Variants in TBR1 observed in about 807,000 individuals in gnomAD.
The protein encoded by TBR1 is T-box brain protein 1.
Under a neutral mutation model 60.3 loss-of-function variants are expected in TBR1, and 7 were observed. That is an observed-to-expected ratio of 0.12 (90% CI 0.07 to 0.22). TBR1 has a LOEUF of 0.22. TBR1 is among the 10% of genes least tolerant of loss of function. The probability of loss-of-function intolerance (pLI) is 1.00; values close to 1 mark genes in which losing one functional copy is unlikely to be tolerated. For synonymous variants in TBR1, 417 were observed against 409.9 expected (o/e 1.02, Z -0.21); for missense variants, 616 against 936.8 (o/e 0.66, Z 4.47).
chr2:161,417,539 A>T lies in TBR1; in HGVS notation c.693-137A>T. On this transcript the variant is annotated intron_variant, in intron 1 of 5. Coordinates refer to ENST00000389554, the MANE Select transcript of TBR1 (RefSeq NM_006593.4). This position sits in a 1 kb window ranked among gnomAD's most constrained non-coding sequence, Gnocchi z 5.3. ...TTTCTTCTCCCACCACCCTTTTTCT[A>T]ATCCAGCAAATATTCGCCTATTTGC... 6 of 1,154,882 alleles carry T rather than the reference A, an allele frequency of 5.2e-6. No individual in the cohort carries two copies. Among genetic ancestry groups the T allele is most frequent in the Non-Finnish European group, 6.1e-6 (5 of 816,306 alleles). 71.5% of individuals were successfully genotyped at this position (1,154,882 alleles called of 1,614,324 possible).
chr2:161,418,155 T>C, intron 2 of TBR1, 46 bp from the exon 3 acceptor site: 1 of 1,580,694 alleles, frequency 6.3e-7, no homozygotes, highest in Non-Finnish European at 8.6e-7. Flanking sequence ...GAGCTGGGAC[T>C]GGGCAGTGCC....
rs781164693 is a variant in TBR1, at chr2:161,424,041, C to G, written c.1863C>G (p.Ile621Met). 1.2e-6 allele frequency: 2 copies of G among 1,604,384 alleles called. No homozygotes were observed. The highest frequency in any genetic ancestry group is 1.7e-5 in the Admixed American group (1 of 59,028). The change falls in exon 6 of 6, where the codon ATC becomes ATG. Residue 621 changes from isoleucine to methionine, a missense_variant. Ile to Met is a conservative substitution (Grantham distance 10). Coordinates refer to ENST00000389554, the MANE Select transcript of TBR1 (RefSeq NM_006593.4). This position sits in a 1 kb window ranked among gnomAD's most constrained non-coding sequence, Gnocchi z 4.4. ...DSSWIETPSS[I>M]KSIDSSDSGI... ...GCTGGATCGAGACGCCCTCCTCGAT[C>G]AAGTCCATCGACTCCAGCGACTCGG...
intron 3 of TBR1, 84 bp downstream of exon 3, chr2:161,418,406 G>A: frequency 6.7e-7 from 1 of 1,497,108 alleles, no homozygotes; most frequent in East Asian, 2.3e-5. Context: ...AGCAGCATAT[G>A]GAACTGGATA....
At position 161,417,875 on chromosome 2, in the gene TBR1, G is replaced by C. The variant is rs1476125203; in HGVS notation, c.847+45G>C. ...ACATTTTCTTGACACTTATTTAGGT[G>C]AGAATGATTAATTAAAGCCTTTGTG... On this transcript the variant is annotated intron_variant, in intron 2 of 5. Transcript: ENST00000389554. This position sits in a 1 kb window ranked among gnomAD's most constrained non-coding sequence, Gnocchi z 5.3. 6.2e-7 allele frequency: 1 copy of C among 1,601,150 alleles called. No individual in the cohort carries two copies. The highest frequency in any genetic ancestry group is 1.1e-5 in the South Asian group (1 of 89,568).
rs1482593524 is a variant in TBR1 at position 161,425,351 on chromosome 2, T to C, written c.*1124T>C. 6.6e-6 allele frequency: 1 copy of C among 152,238 alleles called. No homozygotes were observed. The highest frequency in any genetic ancestry group is 2.4e-5 in the African/African-American group (1 of 41,458). 9.4% of individuals were successfully genotyped at this position (152,238 alleles called of 1,614,324 possible). ...ATGATATAGATGACTGAATTGTTGG[T>C]AACTATAGTGTAGTCTAGTGAAGAT... On this transcript the variant is annotated 3_prime_UTR_variant, in exon 6 of 6. Coordinates refer to ENST00000389554, the MANE Select transcript of TBR1 (RefSeq NM_006593.4).
Position 161,416,904 on chromosome 2 carries a change from C to T in TBR1, c.494C>T (p.Ser165Leu). The stretch of plus-strand genomic sequence containing the variant: ...TACAACAGCCTCCTGTCCAACTCCT[C>T]GCCGCAGGGATACCCCACGGCCGGC... Reference protein sequence around the residue: ...GAYNSLLSNSSPQGYPTAGYP... With the variant: ...GAYNSLLSNSLPQGYPTAGYP... Residue 165 changes from serine to leucine, a missense_variant, in exon 1 of 6, where the codon TCG becomes TTG. This residue lies in a region of TBR1 where 211 missense variants were observed against 268.7 expected (regional missense o/e 0.79). Coordinates refer to ENST00000389554, the MANE Select transcript of TBR1 (RefSeq NM_006593.4). The surrounding 1 kb of genome is among the most constrained non-coding windows in gnomAD (Gnocchi z 6.1). The T allele has an allele frequency of 6.2e-7, 1 of 1,614,054 alleles. No individual in the cohort carries two copies. The highest frequency in any genetic ancestry group is 8.5e-7 in the Non-Finnish European group (1 of 1,179,984).
intron 5 of TBR1, chr2:161,422,203 A>G (rs1483571698): frequency 6.6e-6 from 1 of 152,224 alleles, no homozygotes; most frequent in Non-Finnish European, 1.5e-5. Context: ...AAAGATTAAA[A>G]CATTTATGTG....
chr2:161,424,387 T>A lies in TBR1; in HGVS notation c.*160T>A. On this transcript the variant is annotated 3_prime_UTR_variant, in exon 6 of 6. Transcript: ENST00000389554. This position sits in a 1 kb window ranked among gnomAD's most constrained non-coding sequence, Gnocchi z 4.4. ...GCGAATAAGTGCAGGTCTCCGAGCGTGATTTTAACCTTTTTTGCACAGCAG... is the reference window on the plus strand; with the variant it reads ...GCGAATAAGTGCAGGTCTCCGAGCGAGATTTTAACCTTTTTTGCACAGCAG... 1.2e-6 allele frequency: 1 copy of A among 820,084 alleles called. No individual in the cohort carries two copies. Among genetic ancestry groups the A allele is most frequent in the Non-Finnish European group, 1.9e-6 (1 of 534,684 alleles). The allele number at this position is 820,084 out of a possible 1,614,324, so 50.8% of individuals were successfully genotyped here.
chr2:161,424,288 T>G lies in TBR1; in HGVS notation c.*61T>G. On this transcript the variant is annotated 3_prime_UTR_variant, in exon 6 of 6. Coordinates refer to ENST00000389554, the MANE Select transcript of TBR1 (RefSeq NM_006593.4). This position sits in a 1 kb window ranked among gnomAD's most constrained non-coding sequence, Gnocchi z 4.4. ...ACCCCCAGCCAGCCCCTCACAGCTC[T>G]TCCCCAGCTCCGCCTCCCCACACTC... 3.0e-5 allele frequency: 44 copies of G among 1,471,078 alleles called. No homozygotes were observed. The highest frequency in any genetic ancestry group is 3.6e-5 in the Non-Finnish European group (40 of 1,097,738). The allele number at this position is 1,471,078 out of a possible 1,614,324, so 91.1% of individuals were successfully genotyped here.
intron 3 of TBR1, 188 bp from the exon 4 acceptor site, chr2:161,418,704 G>T (rs1456961587): frequency 2.5e-5 from 19 of 762,648 alleles, no homozygotes; most frequent in Admixed American, 3.7e-5. Context: ...TTCGCTCCCA[G>T]AGGTGCGAAA....
rs906833470 is a variant in TBR1, at chr2:161,418,022, C to T, written c.848-179C>T. On this transcript the variant is annotated intron_variant, in intron 2 of 5. Coordinates refer to ENST00000389554, the MANE Select transcript of TBR1 (RefSeq NM_006593.4). Reference sequence around the variant, plus strand: ...TTATGCAAAAGCTATTTTAATCACCCCCAGTTAATAGGAAGAAAGAATGGC... The same window carrying T: ...TTATGCAAAAGCTATTTTAATCACCTCCAGTTAATAGGAAGAAAGAATGGC... 9 of 1,453,420 alleles carry T rather than the reference C, an allele frequency of 6.2e-6. No individual in the cohort carries two copies. In the African/African-American group the frequency reaches 1.3e-4, roughly 21 times the overall value. 90.0% of individuals were successfully genotyped at this position (1,453,420 alleles called of 1,614,324 possible).
intron 5 of TBR1, 86 bp from the exon 6 acceptor site, chr2:161,423,283 G>A: frequency 9.5e-7 from 1 of 1,051,366 alleles, no homozygotes; most frequent in Non-Finnish European, 1.3e-6. Context: ...AAAAGTGGAG[G>A]TGGCCTTCCC....
Position 161,419,007 on chromosome 2 carries a change from C to T in TBR1, c.1085C>T (p.Pro362Leu), listed in dbSNP as rs777950961. The T allele has an allele frequency of 6.2e-7, 1 of 1,614,222 alleles. No homozygotes were observed. Among genetic ancestry groups the T allele is most frequent in the Non-Finnish European group, 8.5e-7 (1 of 1,180,040 alleles). ...GGCCGCGTGCAGACGTTCACTTTCC[C>T]TGAGACTCAGTTCATCGCCGTCACC... is the stretch of plus-strand genomic sequence containing the variant. ...QPGRVQTFTF[P>L]ETQFIAVTAY... Residue 362 changes from proline (P) to leucine (L), a missense_variant, in exon 4 of 6, where the codon CCT (proline) becomes CTT (leucine). Physicochemically the swap from Pro to Leu is moderately conservative, Grantham distance 98 (BLOSUM62 -3). Transcript: ENST00000389554.
At position 161,416,537 on chromosome 2, in the gene TBR1, A is replaced by C; in HGVS notation, c.127A>C (p.Thr43Pro). Residue 43 changes from threonine to proline, a missense_variant, in exon 1 of 6, where the codon ACT becomes CCT. By Grantham distance (38) the Thr-to-Pro change is conservative (BLOSUM62 -1). Coordinates refer to ENST00000389554, the MANE Select transcript of TBR1 (RefSeq NM_006593.4). The surrounding 1 kb of genome is among the most constrained non-coding windows in gnomAD (Gnocchi z 6.1). ...GCACGATCATCCCATTATCTCGACC[A>C]CTGACAACCTGGAGAGAAGTTCACC... ...VLHDHPIIST[T>P]DNLERSSPLK... 1.2e-6 allele frequency: 2 copies of C among 1,614,176 alleles called. No homozygotes were observed. Among genetic ancestry groups the C allele is most frequent in the South Asian group, 2.2e-5 (2 of 91,078 alleles).
intron 3 of TBR1, 163 bp downstream of exon 3, chr2:161,418,485 G>T: frequency 8.7e-7 from 1 of 1,143,926 alleles, no homozygotes; most frequent in Non-Finnish European, 1.2e-6. Flanking sequence ...TATTAAATCT[G>T]TAAAGTTGTT....
chr2:161,425,450 A>C lies in TBR1; in HGVS notation c.*1223A>C, dbSNP rs1387970252. On this transcript the variant is annotated 3_prime_UTR_variant, in exon 6 of 6. Transcript: ENST00000389554. ...TTCCCCACCACCTAGAAACAGCTGA[A>C]ATTTGACTTCCTTGGGAGAACACTA... is the stretch of plus-strand genomic sequence containing the variant. 6.6e-6 allele frequency: 1 copy of C among 152,094 alleles called. No homozygotes were observed. The highest frequency in any genetic ancestry group is 1.5e-5 in the Non-Finnish European group (1 of 68,004). 9.4% of individuals were successfully genotyped at this position (152,094 alleles called of 1,614,324 possible).
intron 3 of TBR1, chr2:161,418,561 T>C (rs1450133018): frequency 7.1e-6 from 4 of 562,824 alleles, no homozygotes; most frequent in African/African-American, 2.0e-5. Flanking sequence ...CTAATACTGA[T>C]TGATTTTGAG....
chr2:161,423,640 C>T lies in TBR1; in HGVS notation c.1462C>T (p.Pro488Ser), dbSNP rs774675373. The T allele has an allele frequency of 1.9e-6, 3 of 1,540,066 alleles. No individual in the cohort carries two copies. The East Asian group carries it at 7.5e-5, about 39-fold the overall frequency. Reference protein sequence around the residue: ...APSPQRWFVTPANNRLDFAAS... With the variant: ...APSPQRWFVTSANNRLDFAAS... Reference sequence around the variant, plus strand: ...CTCGCCGCAACGCTGGTTTGTGACGCCGGCCAACAACCGGCTGGACTTCGC... The same window carrying T: ...CTCGCCGCAACGCTGGTTTGTGACGTCGGCCAACAACCGGCTGGACTTCGC... Residue 488 changes from proline to serine, a missense_variant, in exon 6 of 6, where the codon CCG (proline) becomes TCG (serine). Physicochemically the swap from Pro to Ser is moderately conservative, Grantham distance 74 (BLOSUM62 -1). Around this residue, in one of 8 missense-constraint regions of TBR1, gnomAD observed 210 missense variants for 297.4 expected, o/e 0.71. Transcript: ENST00000389554.
In TBR1 at chr2:161,418,202, A is replaced by C. The variant is rs1235370291; in HGVS notation, c.849A>C (p.Gly283=). The change falls in exon 3 of 6, where the codon GGA becomes GGC. Residue 283 remains glycine (G), a splice_region_variant and synonymous_variant. Transcript: ENST00000389554. ...TAAACAATGTATTTCTTTCTCTAGG[A>C]AATCGGGTCTATATGCATCCGGATT... ...PCGKADTNVQ[G]NRVYMHPDSP... 1 of 1,611,096 alleles carries C rather than the reference A, an allele frequency of 6.2e-7. No homozygotes were observed. The highest frequency in any genetic ancestry group is 8.5e-7 in the Non-Finnish European group (1 of 1,179,154).
Sources: allele counts gnomAD v4.1 joint callset, GRCh38; gene constraint gnomAD v4.1.1; regional missense constraint gnomAD v4.1.1; non-coding constraint Gnocchi (gnomAD v3.1); transcripts MANE v1.5; gene names NCBI Gene and HGNC (gene_info 2026-07-23, HGNC 2026-07-21).